SEMA4D: variants seen among roughly 807,000 people sequenced by gnomAD.
The protein encoded by SEMA4D is semaphorin-4D.
Under a neutral mutation model 74.8 loss-of-function variants are expected in SEMA4D, and 22 were observed. The observed-to-expected ratio is 0.29, with a 90% CI of 0.21 to 0.42. The LOEUF (loss-of-function observed/expected upper bound fraction) is 0.42, where lower values mean the gene tolerates loss of function less well. Among genes scored for constraint, SEMA4D ranks in the 10% least tolerant of loss-of-function variants. SEMA4D has a pLI of 1.00. For missense variants in SEMA4D, 937 were observed against 1,118.4 expected, an observed-to-expected ratio of 0.84 and a Z score of 2.31; for synonymous variants, 445 against 463.7, an observed-to-expected ratio of 0.96 and a Z score of 0.52.
At chr9:89,427,457 C>A (rs1446309984) in intron 2 of SEMA4D, among the ~76,000 whole-genome samples, 1 of 152,172 alleles carries the variant, frequency 6.6e-6, no homozygotes, top group Non-Finnish European at 1.5e-5. Context: ...CCCCTGCCGT[C>A]CTCTCAGTGT....
intron 1 of SEMA4D, among the ~76,000 whole-genome samples, chr9:89,461,390 C>A (rs1050150445): frequency 9.9e-5 from 15 of 152,206 alleles, no homozygotes; most frequent in Non-Finnish European, 1.8e-4. Flanking sequence ...AGCGCCCCCA[C>A]AGAGAGAAGC....
intron 8 of SEMA4D, 136 bp from the exon 9 acceptor site, chr9:89,391,551 C>T: frequency 1.3e-6 from 1 of 785,794 alleles, no homozygotes. Context: ...TGTGCACATG[C>T]CACAATCCAA....
chr9:89,430,604 G>T (rs1371028804), intron 2 of SEMA4D, among the ~76,000 whole-genome samples: 1 of 152,190 alleles, frequency 6.6e-6, no homozygotes, highest in Non-Finnish European at 1.5e-5. Flanking sequence ...CAGCAACCCC[G>T]CAAGCTCAGA....
At chr9:89,444,449 G>C (rs1852357599) in intron 2 of SEMA4D, among the ~76,000 whole-genome samples, 1 of 152,204 alleles carries the variant, frequency 6.6e-6, no homozygotes. Context: ...GACGGGATGT[G>C]GGCACGTGAA....
chr9:89,497,872 T>G (rs1336804124), intron 1 of SEMA4D, 47 bp downstream of exon 1: 1 of 150,830 alleles, frequency 6.6e-6, no homozygotes, highest in Non-Finnish European at 1.5e-5. Context: ...CCAGCGCACC[T>G]GCCCGGCCCC....
rs558214138 is a variant in SEMA4D, at chr9:89,431,832, AAAG to A, written c.-244+24053_-244+24055del. On this transcript the variant is annotated intron_variant, in intron 2 of 15. Coordinates refer to ENST00000422704, the MANE Select transcript of SEMA4D (RefSeq NM_001371194.2). ...CTTTTGATGGTTTCACCTCAGCAAA[AAAG>A]AAGGTGGCCCTAAAGCCCCCAGAGC... is the stretch of plus-strand genomic sequence containing the variant. Among the ~76,000 whole-genome samples the A allele has an allele frequency of 7.9e-5, 12 of 152,284 alleles. No homozygotes were observed. In the East Asian group the frequency reaches 9.6e-4, roughly 12 times the overall value.
intron 16 of SEMA4D, chr9:89,367,350 G>GA (rs1443309818): frequency 1.3e-5 from 2 of 152,370 alleles, no homozygotes; most frequent in Non-Finnish European, 2.9e-5. Context: ...AGGGCCTCCT[G>GA]AAAACACCAC....
intron 6 of SEMA4D, 126 bp from the exon 7 acceptor site, chr9:89,393,781 G>A (rs1373584108): frequency 2.8e-6 from 2 of 709,830 alleles, no homozygotes; most frequent in African/African-American, 3.5e-5. Context: ...GAGCAGATAG[G>A]TGTGGAGCTA....
chr9:89,440,473 G>A (rs1325532584), intron 2 of SEMA4D, among the ~76,000 whole-genome samples: 5 of 150,692 alleles, frequency 3.3e-5, no homozygotes, highest in South Asian at 4.2e-4. Flanking sequence ...CCTCCCACCC[G>A]CACCCATCAC....
At chr9:89,369,182 G>C (rs1457868333) in intron 16 of SEMA4D, 1 of 152,244 alleles carries the variant, frequency 6.6e-6, no homozygotes, top group African/African-American at 2.4e-5. Context: ...AAATGTCACA[G>C]AGCAGCTGGA....
chr9:89,412,650 G>A (rs1326651678), intron 2 of SEMA4D, among the ~76,000 whole-genome samples: 2 of 152,156 alleles, frequency 1.3e-5, no homozygotes, highest in Non-Finnish European at 2.9e-5. Context: ...GGTCTGCAGT[G>A]TATTGATCTC....
At position 89,379,514 on chromosome 9, in the gene SEMA4D, C is replaced by T; in HGVS notation, c.1779G>A (p.Val593=). The T allele has an allele frequency of 1.2e-6, 2 of 1,614,210 alleles. No homozygotes were observed. The highest frequency in any genetic ancestry group is 8.5e-7 in the Non-Finnish European group (1 of 1,180,046). The change falls in exon 16 of 16, where the codon GTG becomes GTA. Residue 593 remains valine, a synonymous_variant. Coordinates refer to ENST00000422704, the MANE Select transcript of SEMA4D (RefSeq NM_001371194.2). ...ARVFWKFQNG[V]LKAESPKYGL... ...CGTACTTGGGGCTCTCGGCCTTCAA[C>T]ACGCCATTCTGGAACTTCCAAAAGA...
intron 13 of SEMA4D, among the ~76,000 whole-genome samples, chr9:89,383,553 A>G (rs2132849459): frequency 6.6e-6 from 1 of 152,234 alleles, no homozygotes; most frequent in Admixed American, 6.5e-5. Flanking sequence ...TGTCCAGTGC[A>G]ACCTGAGGTG....
chr9:89,480,848 G>A (rs1183958200), intron 1 of SEMA4D, among the ~76,000 whole-genome samples: 2 of 152,228 alleles, frequency 1.3e-5, no homozygotes, highest in Non-Finnish European at 2.9e-5. Context: ...GCCTTGGCCA[G>A]CCCAGAAAGG....
intron 5 of SEMA4D, among the ~76,000 whole-genome samples, chr9:89,398,195 C>T (rs978263997): frequency 1.3e-5 from 2 of 151,962 alleles, no homozygotes; most frequent in South Asian, 2.1e-4. Context: ...TTGCCTTTTC[C>T]GAAACTACCC....
At chr9:89,389,253 C>T (rs139973814) in intron 9 of SEMA4D, among the ~76,000 whole-genome samples, 10 of 152,338 alleles carry the variant, frequency 6.6e-5, no homozygotes, top group African/African-American at 2.2e-4. Flanking sequence ...CCAGAACGCT[C>T]CTGGGTTAAC....
At chr9:89,397,551 A>C (rs887110931) in intron 5 of SEMA4D, among the ~76,000 whole-genome samples, 3 of 152,242 alleles carry the variant, frequency 2.0e-5, no homozygotes, top group African/African-American at 7.2e-5. Flanking sequence ...TTAGGCTAAA[A>C]GTACTTGCGT....
intron 2 of SEMA4D, among the ~76,000 whole-genome samples, chr9:89,446,722 C>A (rs1852961990): frequency 6.6e-6 from 1 of 152,176 alleles, no homozygotes; most frequent in African/African-American, 2.4e-5. Context: ...TAAAACAAGG[C>A]AGCAGCAGGA....
chr9:89,497,823 G>T (rs1441070889), intron 1 of SEMA4D, 96 bp downstream of exon 1: 1 of 151,390 alleles, frequency 6.6e-6, no homozygotes, highest in African/African-American at 2.4e-5. Flanking sequence ...GGAGCCTAGG[G>T]GTGTGGAGTG....
Sources: allele counts gnomAD v4.1 joint callset (sites outside exome capture counted in the v4.1 genomes callset), GRCh38; gene constraint gnomAD v4.1.1; transcripts MANE v1.5; gene names NCBI Gene and HGNC (gene_info 2026-07-23, HGNC 2026-07-21).